Variants in SCAPER observed in about 807,000 individuals in gnomAD.
SCAPER encodes S-phase cyclin A associated protein in the ER.
SCAPER carries 98 observed loss-of-function variants against 182.2 expected under a neutral mutation model. That is an observed-to-expected ratio of 0.54 (90% CI 0.46 to 0.64). SCAPER has a LOEUF of 0.64. SCAPER is among the 30% of genes least tolerant of loss of function. SCAPER has a pLI of 0.00. For synonymous variants in SCAPER, 605 were observed against 564.6 expected, an observed-to-expected ratio of 1.07 and a Z score of -1.01; for missense variants, 1,432 against 1,690.0, an observed-to-expected ratio of 0.85 and a Z score of 2.68.
chr15:76,495,989 GAGAGACACACACACACAC>G (rs36218258), intron 24 of SCAPER, among the ~76,000 whole-genome samples: 34,864 of 105,468 alleles, frequency 0.33, 4,857 homozygotes, highest in South Asian at 0.54. Flanking sequence ...AAGCAAAAGA[GAGAGACACACACACACAC>G]ACACACACAC....
At chr15:76,510,646 G>A (rs1180671701) in intron 23 of SCAPER, among the ~76,000 whole-genome samples, 2 of 152,116 alleles carry the variant, frequency 1.3e-5, no homozygotes, top group African/African-American at 4.8e-5. Flanking sequence ...GAATGTAAAC[G>A]AGGAAAACAG....
At chr15:76,469,977 G>A (rs1291972663) in intron 25 of SCAPER, among the ~76,000 whole-genome samples, 2 of 151,576 alleles carry the variant, frequency 1.3e-5, no homozygotes, top group Non-Finnish European at 1.5e-5. Context: ...AGCCTTTGAT[G>A]ACTCATTATC....
At chr15:76,646,697 T>C (rs970472518) in intron 21 of SCAPER, among the ~76,000 whole-genome samples, 1 of 152,214 alleles carries the variant, frequency 6.6e-6, no homozygotes, top group African/African-American at 2.4e-5. Context: ...CTTTTCCAAA[T>C]TAAATCTGCC....
chr15:76,782,364 C>A (rs1203978709), intron 8 of SCAPER, among the ~76,000 whole-genome samples: 1 of 152,124 alleles, frequency 6.6e-6, no homozygotes, highest in African/African-American at 2.4e-5. Flanking sequence ...GCACCCAATA[C>A]ACTCAGATTC....
intron 21 of SCAPER, among the ~76,000 whole-genome samples, chr15:76,644,775 A>T (rs554016549): frequency 6.6e-6 from 1 of 152,260 alleles, no homozygotes; most frequent in African/African-American, 2.4e-5. Context: ...AAGATATCAC[A>T]GCTCCATTAA....
chr15:76,770,668 AG>A (rs1406054355), intron 10 of SCAPER, among the ~76,000 whole-genome samples: 3 of 152,294 alleles, frequency 2.0e-5, no homozygotes, highest in Admixed American at 6.5e-5. Context: ...TGCTTATTTA[AG>A]GATGAGAGTT....
At chr15:76,617,049 A>G (rs910269055) in intron 22 of SCAPER, among the ~76,000 whole-genome samples, 1 of 152,168 alleles carries the variant, frequency 6.6e-6, no homozygotes, top group East Asian at 1.9e-4. Context: ...TAATTTATAC[A>G]AGGTATTGAT....
intron 31 of SCAPER, 89 bp from the exon 32 acceptor site, chr15:76,348,825 G>A: frequency 2.7e-6 from 2 of 744,018 alleles, no homozygotes; most frequent in Non-Finnish European, 4.3e-6. Flanking sequence ...TGATATCTGA[G>A]TATAAAATGG....
intron 29 of SCAPER, among the ~76,000 whole-genome samples, chr15:76,356,937 AATC>A (rs1364947917): frequency 6.6e-6 from 1 of 152,174 alleles, no homozygotes; most frequent in Non-Finnish European, 1.5e-5. Flanking sequence ...GCTCTGAGGA[AATC>A]AACGGAATTT....
At chr15:76,646,217 G>A (rs563476058) in intron 21 of SCAPER, among the ~76,000 whole-genome samples, 5 of 152,220 alleles carry the variant, frequency 3.3e-5, no homozygotes, top group African/African-American at 1.2e-4. Context: ...CTCCGCACGT[G>A]GAACCCACAG....
At chr15:76,801,043 T>C (rs536286608) in intron 6 of SCAPER, among the ~76,000 whole-genome samples, 11 of 152,368 alleles carry the variant, frequency 7.2e-5, no homozygotes, top group African/African-American at 2.6e-4. Context: ...ACTGTTGATA[T>C]CTGTTTTTAA....
chr15:76,471,336 C>A lies in SCAPER; in HGVS notation c.2955-1G>T, dbSNP rs2050148457. On this transcript the variant is annotated splice_acceptor_variant, in intron 24 of 31. Transcript: ENST00000563290. LOFTEE classifies it high-confidence loss of function. ...AACATTGATTGCATTGCAGAGAGAC[C>A]TAAAAGAAGGAGAAAAACACCATTT... 1 of 1,597,426 alleles carries A rather than the reference C, an allele frequency of 6.3e-7. No homozygotes were observed. The highest frequency in any genetic ancestry group is 1.1e-5 in the South Asian group (1 of 87,702).
intron 5 of SCAPER, among the ~76,000 whole-genome samples, chr15:76,837,683 G>A (rs990698348): frequency 6.6e-6 from 1 of 152,078 alleles, no homozygotes; most frequent in African/African-American, 2.4e-5. Flanking sequence ...AATGCAATAC[G>A]AAACTACAAT....
chr15:76,377,953 G>GT (rs1567023199), intron 28 of SCAPER, among the ~76,000 whole-genome samples: 2 of 152,216 alleles, frequency 1.3e-5, no homozygotes, highest in Non-Finnish European at 2.9e-5. Context: ...CTATGTGCTA[G>GT]TGAGCACAGC....
chr15:76,532,192 C>T (rs980737213), intron 23 of SCAPER, among the ~76,000 whole-genome samples: 1 of 152,174 alleles, frequency 6.6e-6, no homozygotes, highest in Non-Finnish European at 1.5e-5. Context: ...CACATCCAGG[C>T]ACATCTGGTG....
chr15:76,732,572 C>G (rs905563863), intron 16 of SCAPER, among the ~76,000 whole-genome samples: 1 of 152,020 alleles, frequency 6.6e-6, no homozygotes, highest in Non-Finnish European at 1.5e-5. Context: ...CCAAGCGGAC[C>G]GTGGTCTAGC....
At chr15:76,626,109 A>T (rs1421097742) in intron 21 of SCAPER, among the ~76,000 whole-genome samples, 1 of 152,074 alleles carries the variant, frequency 6.6e-6, no homozygotes, top group African/African-American at 2.4e-5. Context: ...TGCACTAGAC[A>T]AGCTTGCTTT....
chr15:76,732,601 G>GA, intron 16 of SCAPER, among the ~76,000 whole-genome samples: 1 of 152,172 alleles, frequency 6.6e-6, no homozygotes, highest in East Asian at 1.9e-4. Context: ...CAGTGTCAAG[G>GA]AAAAACACCC....
At chr15:76,807,591 G>A (rs2066268348) in intron 5 of SCAPER, among the ~76,000 whole-genome samples, 1 of 151,216 alleles carries the variant, frequency 6.6e-6, no homozygotes, top group Non-Finnish European at 1.5e-5. Flanking sequence ...GTGCAGGTTA[G>A]TTACATATGT....
Sources: allele counts gnomAD v4.1 joint callset (sites outside exome capture counted in the v4.1 genomes callset), GRCh38; gene constraint gnomAD v4.1.1; transcripts MANE v1.5; gene names NCBI Gene and HGNC (gene_info 2026-07-23, HGNC 2026-07-21).